Variants in IL2RB observed in about 807,000 individuals in gnomAD.
The protein encoded by IL2RB is interleukin 2 receptor subunit beta.
Under a neutral mutation model 44.2 loss-of-function variants are expected in IL2RB, and 17 were observed. The ratio of observed to expected loss-of-function variants is 0.38; its 90% CI spans 0.26 to 0.58. IL2RB has a LOEUF of 0.58. IL2RB is among the 20% of genes least tolerant of loss of function. IL2RB has a pLI of 0.63. For synonymous variants in IL2RB, 286 were observed against 297.9 expected (o/e 0.96, Z 0.41); for missense variants, 624 against 685.5 (o/e 0.91, Z 1.00).
intron 1 of IL2RB, among the ~76,000 whole-genome samples, chr22:37,155,153 G>A (rs1922635356): frequency 6.6e-6 from 1 of 152,130 alleles, no homozygotes; most frequent in Non-Finnish European, 1.5e-5. Context: ...CAGAAGCCCA[G>A]AGGCATGGGT....
chr22:37,126,073 C>T lies in IL2RB; in HGVS notation c.*2023G>A, dbSNP rs1569038260. ...ATGATTAAGACTTAAAAAATGTAAC[C>T]CTCCCAAGAAGTGGGAGCCTCCCAA... On this transcript the variant is annotated 3_prime_UTR_variant, in exon 10 of 10. Coordinates refer to ENST00000216223, the MANE Select transcript of IL2RB (RefSeq NM_000878.5). The T allele has an allele frequency of 6.6e-6, 1 of 152,002 alleles. No homozygotes were observed. Among genetic ancestry groups the T allele is most frequent in the Non-Finnish European group, 1.5e-5 (1 of 67,990 alleles). The allele number at this position is 152,002 out of a possible 1,614,324, so 9.4% of individuals were successfully genotyped here. A position where few individuals can be genotyped will look rare whatever the true frequency, so the allele number is the denominator to read the frequency against.
chr22:37,152,868 C>T (rs1013015812), upstream of IL2RB, among the ~76,000 whole-genome samples: 1 of 151,466 alleles, frequency 6.6e-6, no homozygotes, highest in African/African-American at 2.4e-5. Flanking sequence ...GAAGCAGCAG[C>T]TCTGCTTCTT....
chr22:37,172,807 T>C (rs1176530599), intron 1 of IL2RB, among the ~76,000 whole-genome samples: 1 of 152,198 alleles, frequency 6.6e-6, no homozygotes, highest in Admixed American at 6.5e-5. Context: ...CAGTCGGCTC[T>C]GGTGCAAGCT....
At chr22:37,134,156 C>T (rs781632029) in intron 8 of IL2RB, among the ~76,000 whole-genome samples, 2 of 152,046 alleles carry the variant, frequency 1.3e-5, no homozygotes, top group African/African-American at 2.4e-5. Context: ...CATAGCAATA[C>T]AATAATAAAA....
chr22:37,144,298 C>A, intron 1 of IL2RB, 93 bp from the exon 2 acceptor site: 1 of 1,440,494 alleles, frequency 6.9e-7, no homozygotes, highest in Non-Finnish European at 9.2e-7. Context: ...CCTCAGTGTG[C>A]ATGGTCTGCA....
intron 1 of IL2RB, among the ~76,000 whole-genome samples, chr22:37,167,488 A>AGGCCTGC (rs1303011225): frequency 6.6e-6 from 1 of 152,226 alleles, no homozygotes; most frequent in African/African-American, 2.4e-5. Flanking sequence ...TGGAAAGCCC[A>AGGCCTGC]GGCCTGCGGC....
chr22:37,142,834 G>C (rs567734967), intron 3 of IL2RB: 1 of 469,070 alleles, frequency 2.1e-6, no homozygotes, highest in East Asian at 4.4e-5. Flanking sequence ...GATGAAGATA[G>C]ATCCTTAATT....
chr22:37,155,918 C>T (rs1328495525), intron 1 of IL2RB, among the ~76,000 whole-genome samples: 1 of 152,246 alleles, frequency 6.6e-6, no homozygotes, highest in African/African-American at 2.4e-5. Flanking sequence ...CCTCCCACCA[C>T]TGGACCCAGA....
chr22:37,147,409 C>A (rs907050553), intron 1 of IL2RB, among the ~76,000 whole-genome samples: 3 of 152,234 alleles, frequency 2.0e-5, no homozygotes, highest in African/African-American at 4.8e-5. Flanking sequence ...CGACAGCTCA[C>A]ACGACAGTAA....
chr22:37,166,378 C>A (rs114437722), intron 1 of IL2RB, among the ~76,000 whole-genome samples: 1 of 152,248 alleles, frequency 6.6e-6, no homozygotes, highest in Non-Finnish European at 1.5e-5. Context: ...ACGGAGCCTG[C>A]GCTTCCTGGG....
At position 37,132,362 on chromosome 22, in the gene IL2RB, T is replaced by C. The variant is rs780873666; in HGVS notation, c.903+22A>G. On this transcript the variant is annotated intron_variant, in intron 9 of 9. Coordinates refer to ENST00000216223, the MANE Select transcript of IL2RB (RefSeq NM_000878.5). ...CCACTCACACCCCTGCCCACCTCTG[T>C]CTCCCCGCCCCGGCCTCCTACCTGG... 6 of 1,604,348 alleles carry C rather than the reference T, an allele frequency of 3.7e-6. No individual in the cohort carries two copies. In the Admixed American group the frequency reaches 1.0e-4, roughly 27 times the overall value.
intron 1 of IL2RB, among the ~76,000 whole-genome samples, chr22:37,168,911 G>A (rs1393219436): frequency 2.0e-5 from 3 of 152,142 alleles, no homozygotes; most frequent in African/African-American, 4.8e-5. Context: ...GCTTACAGAG[G>A]GGTTCTGTTT....
chr22:37,169,403 G>C (rs1923198589), intron 1 of IL2RB, among the ~76,000 whole-genome samples: 1 of 152,020 alleles, frequency 6.6e-6, no homozygotes, highest in Admixed American at 6.5e-5. Flanking sequence ...GAGGGTTCTT[G>C]CTTACACAGG....
At chr22:37,166,059 C>T (rs1479327785) in intron 1 of IL2RB, among the ~76,000 whole-genome samples, 1 of 152,196 alleles carries the variant, frequency 6.6e-6, no homozygotes, top group Admixed American at 6.5e-5. Context: ...CAAACCTGAG[C>T]CATGCACATC....
At chr22:37,147,795 G>C (rs759776461) in intron 1 of IL2RB, among the ~76,000 whole-genome samples, 1 of 152,260 alleles carries the variant, frequency 6.6e-6, no homozygotes, top group African/African-American at 2.4e-5. Context: ...CCACAGGAGG[G>C]TGAGCTCCCC....
intron 1 of IL2RB, among the ~76,000 whole-genome samples, chr22:37,155,138 G>A (rs184793774): frequency 6.6e-6 from 1 of 152,246 alleles, no homozygotes; most frequent in African/African-American, 2.4e-5. Flanking sequence ...GAGACAGTAC[G>A]CCAGCAGAAG....
intron 5 of IL2RB, 98 bp from the exon 6 acceptor site, chr22:37,137,833 C>G (rs1353719321): frequency 9.2e-7 from 1 of 1,090,250 alleles, no homozygotes; most frequent in African/African-American, 1.6e-5. Context: ...CTACCACCTC[C>G]CCTACCCCCC....
Position 37,132,298 on chromosome 22 carries a change from A to C in IL2RB, c.903+86T>G, listed in dbSNP as rs1053793251. On this transcript the variant is annotated intron_variant, in intron 9 of 9. Transcript: ENST00000216223. ...ACTTCGGCGTTTTGTCTCCTCTCAC[A>C]AAACACAAAATTAGCTACTAACCTG... 32 of 1,072,618 alleles carry C rather than the reference A, an allele frequency of 3.0e-5. No individual in the cohort carries two copies. In the East Asian group the frequency reaches 7.4e-4, roughly 25 times the overall value. The allele number at this position is 1,072,618 out of a possible 1,614,324, so 66.4% of individuals were successfully genotyped here.
chr22:37,165,324 T>C (rs906146563), intron 1 of IL2RB, among the ~76,000 whole-genome samples: 3 of 152,254 alleles, frequency 2.0e-5, no homozygotes, highest in African/African-American at 4.8e-5. Context: ...CGTGTGCCTC[T>C]GGCCTTCCAG....
Sources: allele counts gnomAD v4.1 joint callset (sites outside exome capture counted in the v4.1 genomes callset), GRCh38; gene constraint gnomAD v4.1.1; transcripts MANE v1.5; gene names NCBI Gene and HGNC (gene_info 2026-07-23, HGNC 2026-07-21).